Variants in PTPRD observed in about 807,000 individuals in gnomAD.
PTPRD encodes the protein receptor-type tyrosine-protein phosphatase delta.
A neutral mutation model predicts 214.5 loss-of-function variants in PTPRD; 34 were observed. The observed-to-expected ratio is 0.16, with a 90% CI of 0.12 to 0.21. PTPRD has a LOEUF of 0.21. Ranked by LOEUF, PTPRD falls within the 10% of genes least tolerant of loss-of-function variation. The pLI is 1.00. For synonymous variants in PTPRD, 1,128 were observed against 845.7 expected (o/e 1.33, Z -5.79); for missense variants, 2,545 against 2,398.7 (o/e 1.06, Z -1.27).
At chr9:10,084,301 T>C (rs558796739) in intron 3 of PTPRD, among the ~76,000 whole-genome samples, 1 of 152,146 alleles carries the variant, frequency 6.6e-6, no homozygotes, top group East Asian at 1.9e-4. Context: ...TAAATCCTTC[T>C]GTAATGTTAG....
intron 10 of PTPRD, among the ~76,000 whole-genome samples, chr9:9,058,488 G>C (rs2099700795): frequency 9.2e-6 from 1 of 108,578 alleles, no homozygotes; most frequent in African/African-American, 3.4e-5. Flanking sequence ...TCTCGCTGTC[G>C]CCCAGGCTGG....
chr9:8,719,275 G>C (rs2098467202), intron 12 of PTPRD, among the ~76,000 whole-genome samples: 1 of 152,182 alleles, frequency 6.6e-6, no homozygotes. Flanking sequence ...AAGACATGAA[G>C]AGCAATAACA....
At chr9:9,092,775 A>G (rs2099778090) in intron 10 of PTPRD, among the ~76,000 whole-genome samples, 1 of 152,104 alleles carries the variant, frequency 6.6e-6, no homozygotes, top group Admixed American at 6.6e-5. Context: ...AAATATAAAG[A>G]TGATTAATAG....
chr9:10,524,901 A>G (rs2134357136), intron 2 of PTPRD, among the ~76,000 whole-genome samples: 1 of 152,092 alleles, frequency 6.6e-6, no homozygotes, highest in East Asian at 1.9e-4. Flanking sequence ...GGTAAATTGT[A>G]AAAACAAACC....
chr9:9,376,927 T>C (rs953590804), intron 9 of PTPRD, among the ~76,000 whole-genome samples: 12 of 152,046 alleles, frequency 7.9e-5, no homozygotes, highest in Non-Finnish European at 1.6e-4. Context: ...AAATTTGGGC[T>C]AGGAGACCAA....
intron 14 of PTPRD, among the ~76,000 whole-genome samples, chr9:8,619,750 G>C (rs2095751423): frequency 6.6e-6 from 1 of 151,658 alleles, no homozygotes; most frequent in African/African-American, 2.4e-5. Flanking sequence ...CCTCTTGGTG[G>C]AGTTAAGGTA....
intron 3 of PTPRD, among the ~76,000 whole-genome samples, chr9:10,107,157 A>T (rs957399587): frequency 3.3e-5 from 5 of 152,034 alleles, no homozygotes; most frequent in Non-Finnish European, 7.4e-5. Flanking sequence ...CTAATGGGAT[A>T]ACAAAAATGA....
At chr9:10,238,393 G>T (rs531226016) in intron 3 of PTPRD, among the ~76,000 whole-genome samples, 3 of 151,908 alleles carry the variant, frequency 2.0e-5, no homozygotes, top group Non-Finnish European at 2.9e-5. Context: ...TAGTGCTACT[G>T]AATTTTCTTT....
chr9:8,941,744 T>C (rs189334839), intron 11 of PTPRD, among the ~76,000 whole-genome samples: 1 of 152,294 alleles, frequency 6.6e-6, no homozygotes, highest in East Asian at 1.9e-4. Flanking sequence ...ACGACTTTCA[T>C]CAAGGGCTTT....
chr9:9,769,052 GTTTAA>G, intron 5 of PTPRD, among the ~76,000 whole-genome samples: 1 of 151,042 alleles, frequency 6.6e-6, no homozygotes, highest in East Asian at 2.0e-4. Flanking sequence ...TTTAAGATTG[GTTTAA>G]TTTAACTTTA....
chr9:10,610,468 C>A (rs550890118), intron 2 of PTPRD, among the ~76,000 whole-genome samples: 1 of 151,862 alleles, frequency 6.6e-6, no homozygotes, highest in African/African-American at 2.4e-5. Context: ...TAAATTTGCC[C>A]TACTTAGGTA....
At chr9:10,551,665 A>G (rs1386064650) in intron 2 of PTPRD, among the ~76,000 whole-genome samples, 1 of 152,154 alleles carries the variant, frequency 6.6e-6, no homozygotes, top group African/African-American at 2.4e-5. Context: ...TTATAGAATT[A>G]TAAGAAATAA....
intron 3 of PTPRD, among the ~76,000 whole-genome samples, chr9:10,159,436 T>A (rs987152656): frequency 1.3e-5 from 2 of 151,334 alleles, no homozygotes; most frequent in African/African-American, 2.4e-5. Context: ...AAACAACTAA[T>A]CTTGGAAGCA....
chr9:9,877,132 T>G (rs996729110), intron 5 of PTPRD, among the ~76,000 whole-genome samples: 3 of 152,124 alleles, frequency 2.0e-5, no homozygotes, highest in Non-Finnish European at 4.4e-5. Flanking sequence ...CATTTGAAAT[T>G]TATCATAGTA....
At chr9:9,978,885 A>G (rs1207216573) in intron 4 of PTPRD, among the ~76,000 whole-genome samples, 1 of 152,092 alleles carries the variant, frequency 6.6e-6, no homozygotes, top group Non-Finnish European at 1.5e-5. Context: ...GAGAAAAAAG[A>G]AAAGTCGACA....
chr9:8,911,453 G>C (rs554997184), intron 11 of PTPRD, among the ~76,000 whole-genome samples: 3 of 151,584 alleles, frequency 2.0e-5, no homozygotes, highest in African/African-American at 4.8e-5. Context: ...GAGAGAGAGA[G>C]AGACAAAGAG....
At chr9:8,947,059 C>A (rs1429222475) in intron 11 of PTPRD, among the ~76,000 whole-genome samples, 1 of 124,624 alleles carries the variant, frequency 8.0e-6, no homozygotes, top group Admixed American at 9.1e-5. Flanking sequence ...GTGTCTCGAT[C>A]TTCCTCCGGT....
chr9:8,897,588 C>T (rs72704378), intron 11 of PTPRD, among the ~76,000 whole-genome samples: 16,985 of 152,176 alleles, frequency 0.11, 1,370 homozygotes, highest in East Asian at 0.28. Flanking sequence ...TAAAACAACA[C>T]AGACAAGGAT....
At chr9:8,648,020 A>T (rs1307340273) in intron 12 of PTPRD, among the ~76,000 whole-genome samples, 1 of 152,124 alleles carries the variant, frequency 6.6e-6, no homozygotes, top group African/African-American at 2.4e-5. Flanking sequence ...GGATTATTTC[A>T]CATTCCAGAA....
Sources: allele counts gnomAD v4.1 joint callset (sites outside exome capture counted in the v4.1 genomes callset), GRCh38; gene constraint gnomAD v4.1.1; transcripts MANE v1.5; gene names NCBI Gene and HGNC (gene_info 2026-07-23, HGNC 2026-07-21).